The following ANKRD12 variants were observed in gnomAD, a reference collection of about 807,000 sequenced individuals.
ANKRD12 encodes the protein ankyrin repeat domain-containing protein 12.
ANKRD12 carries 85 observed loss-of-function variants against 183.4 expected under a neutral mutation model. The observed-to-expected ratio is 0.46, with a 90% confidence interval of 0.39 to 0.56. The LOEUF is 0.56. Among genes scored for constraint, ANKRD12 ranks in the 20% least tolerant of loss-of-function variants. ANKRD12 has a pLI of 0.00. For synonymous variants in ANKRD12, 914 were observed against 800.2 expected (o/e 1.14, Z -2.40); for missense variants, 2,405 against 2,357.1 (o/e 1.02, Z -0.42).
intron 5 of ANKRD12, among the ~76,000 whole-genome samples, chr18:9,210,765 T>A (rs553970432): frequency 3.1e-4 from 43 of 140,688 alleles, no homozygotes; most frequent in African/African-American, 9.1e-4. Flanking sequence ...TTACACTTTT[T>A]TTTTTTATTG....
At position 9,176,447 on chromosome 18, in the gene ANKRD12, TG is replaced by T. The variant is rs545979760; in HGVS notation, c.-51-5933del. ...CTGGGACTACAGGCACATACCACCA[TG>T]GCCAGCTAATTTTTTAATTTTTTGT... On this transcript the variant is annotated intron_variant, in intron 1 of 12. Transcript: ENST00000262126. Among the ~76,000 whole-genome samples the T allele has an allele frequency of 3.9e-3, 595 of 152,048 alleles. 15 individuals carry two copies. Among genetic ancestry groups the T allele is most frequent in the Admixed American group, 0.037 (566 of 15,264 alleles).
chr18:9,240,080 G>A (rs376144974), intron 8 of ANKRD12, among the ~76,000 whole-genome samples: 1 of 152,184 alleles, frequency 6.6e-6, no homozygotes, highest in Non-Finnish European at 1.5e-5. Context: ...GCTTTGTGAT[G>A]TAATTGATTT....
intron 2 of ANKRD12, among the ~76,000 whole-genome samples, chr18:9,186,666 G>A (rs1326271630): frequency 2.6e-5 from 4 of 151,464 alleles, no homozygotes; most frequent in African/African-American, 9.7e-5. Context: ...TCCTTTTTAA[G>A]ACAAAGTGAA....
At position 9,258,331 on chromosome 18, in the gene ANKRD12, A is replaced by G. The variant is rs771703411; in HGVS notation, c.5064A>G (p.Gln1688=). Residue 1688 remains glutamine, a synonymous_variant, in exon 9 of 13, where the codon CAA becomes CAG. Transcript: ENST00000262126. ...TTTCCATAGAAGATGAGGAATCTCA[A>G]CAAAGCATTTTATCAAGTCTGGAAA... ...CLLSIEDEES[Q]QSILSSLENH... is the part of the protein sequence containing the mutation. 1.1e-5 allele frequency: 17 copies of G among 1,613,720 alleles called. 1 individual carries two copies. In the South Asian group the frequency reaches 1.6e-4, roughly 16 times the overall value.
chr18:9,186,918 A>C (rs1177015441), intron 2 of ANKRD12, among the ~76,000 whole-genome samples: 1 of 151,508 alleles, frequency 6.6e-6, no homozygotes, highest in East Asian at 1.9e-4. Context: ...CACCTGGCTA[A>C]TTTTTTGTAT....
At chr18:9,155,412 G>A (rs909051360) in intron 1 of ANKRD12, among the ~76,000 whole-genome samples, 4 of 152,168 alleles carry the variant, frequency 2.6e-5, no homozygotes, top group Non-Finnish European at 4.4e-5. Flanking sequence ...GGGCATACTA[G>A]TAACACTTCC....
Position 9,258,517 on chromosome 18 carries a change from T to G in ANKRD12, c.5250T>G (p.Ile1750Met). ...CAATGGCAAATCAAAGCAAACAGAT[T>G]CTTGCTAGCTGTACACTATTATCAG... ...ANTMANQSKQILASCTLLSEK... is the reference protein window; with the variant it reads ...ANTMANQSKQMLASCTLLSEK... Residue 1750 changes from isoleucine to methionine, a missense_variant, in exon 9 of 13, where the codon ATT (isoleucine) becomes ATG (methionine). Transcript: ENST00000262126. 1 of 1,613,732 alleles carries G rather than the reference T, an allele frequency of 6.2e-7. No homozygotes were observed. The highest frequency in any genetic ancestry group is 8.5e-7 in the Non-Finnish European group (1 of 1,179,922).
rs1426668674 is a variant in ANKRD12 at position 9,258,804 on chromosome 18, T to C, written c.5537T>C (p.Ile1846Thr). 6.2e-7 allele frequency: 1 copy of C among 1,613,688 alleles called. No individual in the cohort carries two copies. Among genetic ancestry groups the C allele is most frequent in the Non-Finnish European group, 8.5e-7 (1 of 1,179,798 alleles). ...GAATACTTGCACATAAGGAAAAAAA[T>C]AGAAGAAAAACGCAAATTACTGTGT... is the stretch of plus-strand genomic sequence containing the variant. The part of the protein sequence containing the change: ...YFEYLHIRKK[I>T]EEKRKLLCSV... The change falls in exon 9 of 13, where the codon ATA (isoleucine) becomes ACA (threonine). Residue 1846 changes from isoleucine to threonine, a missense_variant. This residue lies in a region of ANKRD12 where 162 missense variants were observed against 272.2 expected (regional missense o/e 0.60). Transcript: ENST00000262126.
At position 9,256,366 on chromosome 18, in the gene ANKRD12, TA is replaced by T. The variant is rs2038626321; in HGVS notation, c.3102del (p.Asp1035IlefsTer5). The T allele has an allele frequency of 6.3e-7, 1 of 1,599,142 alleles. No homozygotes were observed. Among genetic ancestry groups the T allele is most frequent in the African/African-American group, 1.4e-5 (1 of 73,758 alleles). Reference sequence around the variant, plus strand: ...ATAGATACAAAGAACGAGACAAACATAAAGATAAAATTCAAATAAATAGCTT... The same window carrying T: ...ATAGATACAAAGAACGAGACAAACATAAGATAAAATTCAAATAAATAGCTT... Reference protein sequence around the residue: ...IDRYKERDKHKDKIQINSLLK... With the variant: ...IDRYKERDKHXDKIQINSLLK... On this transcript the variant is annotated frameshift_variant, in exon 9 of 13. Transcript: ENST00000262126. LOFTEE classifies it high-confidence loss of function.
At chr18:9,208,928 T>C (rs1244143367) in intron 5 of ANKRD12, 125 bp downstream of exon 5, 7 of 964,424 alleles carry the variant, frequency 7.3e-6, no homozygotes, top group Non-Finnish European at 8.7e-6. Context: ...TCAGAATTAC[T>C]TGTAAGTCAG....
intron 10 of ANKRD12, among the ~76,000 whole-genome samples, chr18:9,274,777 T>C (rs2039754776): frequency 6.6e-6 from 1 of 152,238 alleles, no homozygotes; most frequent in Non-Finnish European, 1.5e-5. Flanking sequence ...TCAAGCCTAC[T>C]GTGAAGAAAA....
intron 1 of ANKRD12, among the ~76,000 whole-genome samples, chr18:9,146,686 A>G (rs1339244029): frequency 2.6e-5 from 4 of 152,196 alleles, no homozygotes; most frequent in African/African-American, 9.7e-5. Flanking sequence ...CTTCTCATCA[A>G]CATGCTTTGG....
intron 10 of ANKRD12, among the ~76,000 whole-genome samples, chr18:9,271,374 A>T (rs1598769312): frequency 6.6e-6 from 1 of 152,120 alleles, no homozygotes; most frequent in Non-Finnish European, 1.5e-5. Flanking sequence ...AAATACAAAA[A>T]ATTAGACGGG....
Position 9,285,752 on chromosome 18 carries a change from A to G in ANKRD12, c.*4626A>G, listed in dbSNP as rs1487034490. On this transcript the variant is annotated 3_prime_UTR_variant, in exon 13 of 13. Transcript: ENST00000262126. ...TGCTGATTTCCCATCACCATACATT[A>G]GTTGTACCTAGCCTTGAACTTCATA... 1 of 152,144 alleles carries G rather than the reference A, an allele frequency of 6.6e-6. No homozygotes were observed. Among genetic ancestry groups the G allele is most frequent in the Admixed American group, 6.6e-5 (1 of 15,246 alleles). The allele number at this position is 152,144 out of a possible 1,614,324, so 9.4% of individuals were successfully genotyped here.
chr18:9,254,180 C>G (rs750865967), intron 8 of ANKRD12, 31 bp from the exon 9 acceptor site: 5 of 1,458,952 alleles, frequency 3.4e-6, no homozygotes, highest in Non-Finnish European at 4.5e-6. Flanking sequence ...TTTTGTTTGA[C>G]CCACACCACA....
intron 10 of ANKRD12, among the ~76,000 whole-genome samples, chr18:9,265,822 C>G (rs145856300): frequency 6.6e-6 from 1 of 151,980 alleles, no homozygotes; most frequent in Admixed American, 6.6e-5. Flanking sequence ...CAAACTACTC[C>G]GAGATAAAGG....
chr18:9,171,193 A>C (rs1040215324), intron 1 of ANKRD12, among the ~76,000 whole-genome samples: 9 of 152,074 alleles, frequency 5.9e-5, no homozygotes, highest in African/African-American at 1.7e-4. Flanking sequence ...GTCAGATCTC[A>C]AGCTGTGTGC....
intron 6 of ANKRD12, among the ~76,000 whole-genome samples, chr18:9,214,720 G>T (rs149079072): frequency 2.9e-3 from 434 of 152,242 alleles, no homozygotes; most frequent in Middle Eastern, 6.8e-3. Context: ...TGCAGCTGTG[G>T]TTACCTGCCA....
intron 5 of ANKRD12, among the ~76,000 whole-genome samples, chr18:9,210,372 A>T (rs180783219): frequency 3.7e-4 from 57 of 152,204 alleles, no homozygotes; most frequent in African/African-American, 1.3e-3. Context: ...TTGGGAGTGT[A>T]AATTTCTAGA....
Sources: allele counts gnomAD v4.1 joint callset (sites outside exome capture counted in the v4.1 genomes callset), GRCh38; gene constraint gnomAD v4.1.1; regional missense constraint gnomAD v4.1.1; transcripts MANE v1.5; gene names NCBI Gene and HGNC (gene_info 2026-07-23, HGNC 2026-07-21).